Variants in DNAJC5G observed in about 807,000 individuals in gnomAD.
DNAJC5G encodes the protein dnaJ homolog subfamily C member 5G.
A neutral mutation model predicts 19.1 loss-of-function variants in DNAJC5G; 13 were observed. The ratio of observed to expected loss-of-function variants is 0.68; its 90% CI spans 0.44 to 1.08. The LOEUF is 1.08. Ranked by LOEUF, DNAJC5G falls within the 50% of genes least tolerant of loss-of-function variation. The pLI is 0.00. For synonymous variants in DNAJC5G, 81 were observed against 84.4 expected, an observed-to-expected ratio of 0.96 and a Z score of 0.22; for missense variants, 245 against 230.4, an observed-to-expected ratio of 1.06 and a Z score of -0.41.
chr2:27,277,729 A>G, intron 3 of DNAJC5G, 25 bp from the exon 4 acceptor site: 1 of 1,613,276 alleles, frequency 6.2e-7, no homozygotes, highest in South Asian at 1.1e-5. Context: ...AATCCATGTC[A>G]TTCATCGTAA....
chr2:27,275,866 A>ACCCCTG (rs1678023376), intron 1 of DNAJC5G: 1 of 93,184 alleles, frequency 1.1e-5, no homozygotes, highest in Non-Finnish European at 2.3e-5. Flanking sequence ...AGCACTCCCC[A>ACCCCTG]CCCCCGCCCC....
rs775890343 is a variant in DNAJC5G at position 27,276,723 on chromosome 2, C to G, written c.-3-3C>G. The G allele has an allele frequency of 3.7e-6, 6 of 1,613,074 alleles. No homozygotes were observed. Among genetic ancestry groups the G allele is most frequent in the Non-Finnish European group, 5.1e-6 (6 of 1,179,666 alleles). On this transcript the variant is annotated splice_region_variant and splice_polypyrimidine_tract_variant and intron_variant, in intron 2 of 6. Transcript: ENST00000296097. ...CACAGATGCTGCTTCTCCTCTGGCT[C>G]AGATCATGTCTACTGTGAAGGAAGC...
rs374152945 is a variant in DNAJC5G at position 27,278,016 on chromosome 2, G to T, written c.375+1G>T. ...TATTCTGAATAGTTGTTGGTTCAAG[G>T]TACACAATTCTCCAGGTCCTTTAAG... On this transcript the variant is annotated splice_donor_variant, in intron 4 of 6. Coordinates refer to ENST00000296097, the MANE Select transcript of DNAJC5G (RefSeq NM_173650.3). LOFTEE classifies it high-confidence loss of function. 10 of 1,613,668 alleles carry T rather than the reference G, an allele frequency of 6.2e-6. No individual in the cohort carries two copies. Among genetic ancestry groups the T allele is most frequent in the Non-Finnish European group, 7.6e-6 (9 of 1,179,694 alleles).
rs1678350807 is a variant in DNAJC5G, at chr2:27,281,063, A to G, written c.*653A>G. On this transcript the variant is annotated 3_prime_UTR_variant, in exon 7 of 7. Coordinates refer to ENST00000296097, the MANE Select transcript of DNAJC5G (RefSeq NM_173650.3). ...GCGAGTGCATTTGAGGCTTAGGGGT[A>G]GTCATTCCATCTTTAGATTATCCTT... is the stretch of plus-strand genomic sequence containing the variant. The G allele has an allele frequency of 6.6e-6, 1 of 152,364 alleles. No individual in the cohort carries two copies. Among genetic ancestry groups the G allele is most frequent in the Non-Finnish European group, 1.5e-5 (1 of 68,040 alleles). The allele number at this position is 152,364 out of a possible 1,614,324, so 9.4% of individuals were successfully genotyped here.
At chr2:27,277,710 C>G in intron 3 of DNAJC5G, 44 bp from the exon 4 acceptor site, 1 of 1,610,310 alleles carries the variant, frequency 6.2e-7, no homozygotes, top group Non-Finnish European at 8.5e-7. Flanking sequence ...TCTGCACTCT[C>G]TAGAGACTAA....
intron 5 of DNAJC5G, among the ~76,000 whole-genome samples, chr2:27,278,969 C>CACTCCAGCTTGGGCAACAGAGTGAG (rs1383745414): frequency 6.9e-6 from 1 of 144,198 alleles, no homozygotes; most frequent in East Asian, 2.0e-4. Flanking sequence ...CATGCCACTG[C>CACTCCAGCTTGGGCAACAGAGTGAG]ACTCCAGCTT....
intron 3 of DNAJC5G, 82 bp downstream of exon 3, chr2:27,276,923 CTTTTTT>C (rs574019537): frequency 1.3e-3 from 652 of 513,768 alleles, no homozygotes; most frequent in Middle Eastern, 2.2e-3. Context: ...CTATCTGACT[CTTTTTT>C]TTTTTTTTTT....
chr2:27,276,917 C>A, intron 3 of DNAJC5G, 76 bp downstream of exon 3: 66 of 874,414 alleles, frequency 7.5e-5, no homozygotes, highest in Middle Eastern at 2.9e-4. Flanking sequence ...CTTTTGCTAT[C>A]TGACTCTTTT....
At position 27,281,271 on chromosome 2, in the gene DNAJC5G, C is replaced by CT. The variant is rs1027899280; in HGVS notation, c.*865dup. ...TGGAAAAGATTGTACTTTCTGGACT[C>CT]TTTTCCCACTCTTGCCTCTTTGTGC... On this transcript the variant is annotated 3_prime_UTR_variant, in exon 7 of 7. Coordinates refer to ENST00000296097, the MANE Select transcript of DNAJC5G (RefSeq NM_173650.3). The CT allele has an allele frequency of 1.3e-5, 2 of 152,348 alleles. No individual in the cohort carries two copies. The highest frequency in any genetic ancestry group is 4.8e-5 in the African/African-American group (2 of 41,450). The allele number at this position is 152,348 out of a possible 1,614,324, so 9.4% of individuals were successfully genotyped here. A position where few individuals can be genotyped will look rare whatever the true frequency, so the allele number is the denominator to read the frequency against.
chr2:27,281,154 C>T lies in DNAJC5G; in HGVS notation c.*744C>T, dbSNP rs1393035819. The T allele has an allele frequency of 6.6e-6, 1 of 152,376 alleles. No homozygotes were observed. The highest frequency in any genetic ancestry group is 1.5e-5 in the Non-Finnish European group (1 of 68,052). The allele number at this position is 152,376 out of a possible 1,614,324, so 9.4% of individuals were successfully genotyped here. ...TGTAGGTTAACTGAAGTTCAAACAT[C>T]AGTGCCAGCTTGCCTCCATCCTTTT... On this transcript the variant is annotated 3_prime_UTR_variant, in exon 7 of 7. Coordinates refer to ENST00000296097, the MANE Select transcript of DNAJC5G (RefSeq NM_173650.3).
chr2:27,276,763 C>G lies in DNAJC5G; in HGVS notation c.35C>G (p.Ser12Cys). ...STVKEAAHRL[S>C]KSEMSLYAVL... ...GTGAAGGAAGCAGCACACCGGCTGTCCAAAAGTGAGATGAGCCTCTATGCA... is the reference window on the plus strand; with the variant it reads ...GTGAAGGAAGCAGCACACCGGCTGTGCAAAAGTGAGATGAGCCTCTATGCA... Residue 12 changes from serine (S) to cysteine (C), a missense_variant, in exon 3 of 7, where the codon TCC (serine) becomes TGC (cysteine). By Grantham distance (112) the Ser-to-Cys change is moderately radical. Coordinates refer to ENST00000296097, the MANE Select transcript of DNAJC5G (RefSeq NM_173650.3). 6.2e-7 allele frequency: 1 copy of G among 1,614,052 alleles called. No individual in the cohort carries two copies. Among genetic ancestry groups the G allele is most frequent in the Non-Finnish European group, 8.5e-7 (1 of 1,180,018 alleles).
At position 27,278,349 on chromosome 2, in the gene DNAJC5G, G is replaced by A; in HGVS notation, c.520+17G>A. 5 of 1,613,686 alleles carry A rather than the reference G, an allele frequency of 3.1e-6. No homozygotes were observed. Among genetic ancestry groups the A allele is most frequent in the Non-Finnish European group, 4.2e-6 (5 of 1,179,824 alleles). Reference sequence around the variant, plus strand: ...CAAGGTCAGGTGAGAACTGCAAGCAGGGACTGTGAGGTAAGAAATGTCTGG... The same window carrying A: ...CAAGGTCAGGTGAGAACTGCAAGCAAGGACTGTGAGGTAAGAAATGTCTGG... On this transcript the variant is annotated intron_variant, in intron 5 of 6. Transcript: ENST00000296097.
Position 27,278,170 on chromosome 2 carries a change from T to C in DNAJC5G, c.376-18T>C. The C allele has an allele frequency of 6.2e-7, 1 of 1,614,198 alleles. No individual in the cohort carries two copies. ...ATAGAAAACTGCTGGACTGAGGCCA[T>C]TCTCGCCTACCTTTTAGACACTTGT... On this transcript the variant is annotated intron_variant, in intron 4 of 6. Transcript: ENST00000296097.
At chr2:27,276,554 T>C in intron 2 of DNAJC5G, 167 bp downstream of exon 2, 2 of 567,484 alleles carry the variant, frequency 3.5e-6, no homozygotes, top group South Asian at 2.3e-5. Flanking sequence ...TCTGATCACC[T>C]GAATTCTCCT....
At chr2:27,279,688 G>A (rs1197938311) in intron 5 of DNAJC5G, among the ~76,000 whole-genome samples, 1 of 148,556 alleles carries the variant, frequency 6.7e-6, no homozygotes, top group Non-Finnish European at 1.5e-5. Context: ...AAGGTGGGCA[G>A]ATCACTTGAG....
intron 1 of DNAJC5G, 46 bp downstream of exon 1, chr2:27,275,599 G>T: frequency 3.8e-6 from 1 of 261,480 alleles, no homozygotes; most frequent in Non-Finnish European, 7.6e-6. Context: ...GGCCAGAGGT[G>T]CCCTGCACAC....
intron 2 of DNAJC5G, 83 bp from the exon 3 acceptor site, chr2:27,276,643 T>G: frequency 3.3e-6 from 4 of 1,211,844 alleles, no homozygotes; most frequent in Non-Finnish European, 4.7e-6. Flanking sequence ...CTGAAGGTAG[T>G]GAGTTTCCTG....
In DNAJC5G at chr2:27,278,298, T is replaced by C; in HGVS notation, c.486T>C (p.Tyr162=). ...PPPEQDSGRK[Y]QQNVQSQPPR... is the part of the protein sequence containing the mutation. ...CTGAGCAGGATAGTGGGAGAAAATA[T>C]CAGCAGAATGTCCAGAGTCAGCCTC... The change falls in exon 5 of 7, where the codon TAT becomes TAC. Residue 162 remains tyrosine (Y), a synonymous_variant. Transcript: ENST00000296097. 4 of 1,614,148 alleles carry C rather than the reference T, an allele frequency of 2.5e-6. No homozygotes were observed. Among genetic ancestry groups the C allele is most frequent in the Non-Finnish European group, 3.4e-6 (4 of 1,180,026 alleles).
At chr2:27,276,923 CTTTTTTTTT>C in intron 3 of DNAJC5G, 82 bp downstream of exon 3, 15 of 514,710 alleles carry the variant, frequency 2.9e-5, no homozygotes, top group South Asian at 1.4e-4. Context: ...CTATCTGACT[CTTTTTTTTT>C]TTTTTTTTTT....
Sources: allele counts gnomAD v4.1 joint callset (sites outside exome capture counted in the v4.1 genomes callset), GRCh38; gene constraint gnomAD v4.1.1; transcripts MANE v1.5; gene names NCBI Gene and HGNC (gene_info 2026-07-23, HGNC 2026-07-21).